ZEB1: variants seen among roughly 807,000 people sequenced by gnomAD.
The protein encoded by ZEB1 is zinc finger E-box-binding homeobox 1.
A neutral mutation model predicts 84.9 loss-of-function variants in ZEB1; 21 were observed. The ratio of observed to expected loss-of-function variants is 0.25; its 90% CI spans 0.18 to 0.36. ZEB1 has a LOEUF of 0.36. ZEB1 is among the 10% of genes least tolerant of loss of function. The pLI, the probability that ZEB1 is intolerant of heterozygous loss-of-function variation, is 1.00. For missense variants in ZEB1, 1,104 were observed against 1,330.2 expected (o/e 0.83, Z 2.65); for synonymous variants, 420 against 471.1 (o/e 0.89, Z 1.41).
chr10:31,418,858 A>G (rs944019099), intron 1 of ZEB1, among the ~76,000 whole-genome samples: 1 of 152,128 alleles, frequency 6.6e-6, no homozygotes, highest in Non-Finnish European at 1.5e-5. Context: ...TTGAGTGCCA[A>G]TATGATGCTC....
chr10:31,443,772 A>G (rs1330915886), intron 1 of ZEB1, among the ~76,000 whole-genome samples: 2 of 149,174 alleles, frequency 1.3e-5, no homozygotes, highest in African/African-American at 5.2e-5. Flanking sequence ...ATAGTATTCC[A>G]TGGTGTATAT....
intron 6 of ZEB1, among the ~76,000 whole-genome samples, chr10:31,519,301 T>G (rs2071806473): frequency 6.6e-6 from 1 of 152,182 alleles, no homozygotes; most frequent in Non-Finnish European, 1.5e-5. Context: ...TTTCAAAATT[T>G]TCTACCAAAG....
At chr10:31,415,278 A>G (rs569426396) in intron 1 of ZEB1, among the ~76,000 whole-genome samples, 1 of 152,234 alleles carries the variant, frequency 6.6e-6, no homozygotes, top group African/African-American at 2.4e-5. Context: ...TACTGTCTAC[A>G]TTAAGCAAGG....
chr10:31,411,447 A>C (rs973289326), intron 1 of ZEB1, among the ~76,000 whole-genome samples: 1 of 151,894 alleles, frequency 6.6e-6, no homozygotes, highest in African/African-American at 2.4e-5. Flanking sequence ...CTGGCTAACA[A>C]GGTGAAACCC....
chr10:31,458,337 TGTGTGTG>T (rs1309205068), intron 1 of ZEB1, among the ~76,000 whole-genome samples: 2 of 77,844 alleles, frequency 2.6e-5, no homozygotes, highest in Admixed American at 2.1e-4. Flanking sequence ...GTGTGTGTGT[TGTGTGTG>T]TGTGTGTGTG....
In ZEB1 at chr10:31,397,075, G is replaced by A. The variant is rs1053569386; in HGVS notation, c.59-63962G>A. Among the ~76,000 whole-genome samples, 76 of 148,290 alleles carry A rather than the reference G, an allele frequency of 5.1e-4. 1 individual carries two copies. The highest frequency in any genetic ancestry group is 1.0e-3 in the Non-Finnish European group (69 of 67,208). The stretch of plus-strand genomic sequence containing the variant: ...CTGTCACCCAGGCTGGAGTGCAGTG[G>A]CATGATCTCGGCTCACTGCAACCTC... On this transcript the variant is annotated intron_variant, in intron 1 of 8. Transcript: ENST00000424869.
At chr10:31,482,049 T>G (rs2065114491) in intron 2 of ZEB1, among the ~76,000 whole-genome samples, 1 of 152,050 alleles carries the variant, frequency 6.6e-6, no homozygotes, top group South Asian at 2.1e-4. Context: ...TCCCAGAAGA[T>G]AATTAATAAT....
At chr10:31,391,274 TGTGA>T (rs199701689) in intron 1 of ZEB1, among the ~76,000 whole-genome samples, 2,977 of 131,858 alleles carry the variant, frequency 0.023, 88 homozygotes, top group African/African-American at 0.091. Flanking sequence ...TGTGTGTGTG[TGTGA>T]GATCCAATAA....
At chr10:31,364,671 AG>A (rs1255234182) in intron 1 of ZEB1, among the ~76,000 whole-genome samples, 1 of 152,170 alleles carries the variant, frequency 6.6e-6, no homozygotes, top group African/African-American at 2.4e-5. Flanking sequence ...CCTCCCTGGC[AG>A]GCAGGGTCTC....
intron 2 of ZEB1, among the ~76,000 whole-genome samples, chr10:31,480,718 AT>A (rs1323926701): frequency 6.6e-6 from 1 of 152,092 alleles, no homozygotes; most frequent in East Asian, 1.9e-4. Flanking sequence ...CTTGGTGTAC[AT>A]TTTGTCCTCT....
chr10:31,334,824 A>C (rs2037650038), intron 1 of ZEB1, among the ~76,000 whole-genome samples: 2 of 152,098 alleles, frequency 1.3e-5, no homozygotes, highest in Admixed American at 6.6e-5. Flanking sequence ...AATGTAGCTC[A>C]TGCTGGCCCA....
At chr10:31,449,368 G>A (rs1033649210) in intron 1 of ZEB1, among the ~76,000 whole-genome samples, 4 of 152,184 alleles carry the variant, frequency 2.6e-5, no homozygotes, top group Admixed American at 6.5e-5. Flanking sequence ...GAAATCACCC[G>A]TCTTCTGCGT....
chr10:31,461,272 C>CCACAAT (rs754494281), intron 2 of ZEB1, 35 bp downstream of exon 2: 1 of 1,558,286 alleles, frequency 6.4e-7, no homozygotes, highest in Admixed American at 1.8e-5. Context: ...ATTGTATTCT[C>CCACAAT]ATGATTCGTT....
At chr10:31,453,631 C>T (rs1187516362) in intron 1 of ZEB1, among the ~76,000 whole-genome samples, 3 of 152,220 alleles carry the variant, frequency 2.0e-5, no homozygotes, top group South Asian at 4.1e-4. Flanking sequence ...GATTTATTGA[C>T]CTCGCAAATA....
Position 31,440,963 on chromosome 10 carries a change from T to C in ZEB1, c.59-20074T>C, listed in dbSNP as rs540398484. Among the ~76,000 whole-genome samples the C allele has an allele frequency of 5.3e-4, 80 of 152,036 alleles. 1 individual carries two copies. Among genetic ancestry groups the C allele is most frequent in the Admixed American group, 1.2e-3 (18 of 15,264 alleles). On this transcript the variant is annotated intron_variant, in intron 1 of 8. Coordinates refer to ENST00000424869, the MANE Select transcript of ZEB1 (RefSeq NM_001174096.2). ...TCATGGATAGGAAGAATCAATATCG[T>C]GAAAATGGCCATACTGCCCAAGGTA...
intron 1 of ZEB1, among the ~76,000 whole-genome samples, chr10:31,408,636 C>G (rs765176458): frequency 0.059 from 8,450 of 142,248 alleles, 295 homozygotes; most frequent in African/African-American, 0.12. Flanking sequence ...GAAAAACAAG[C>G]AATGGGGAAA....
At chr10:31,486,876 T>A (rs9416972) in intron 2 of ZEB1, among the ~76,000 whole-genome samples, 42,092 of 151,244 alleles carry the variant, frequency 0.28, 14,021 homozygotes, top group African/African-American at 0.8. Flanking sequence ...GATCATCAGG[T>A]TTTTCTCTTT....
At chr10:31,319,492 C>T in intron 1 of ZEB1, 200 bp downstream of exon 1, 3 of 611,298 alleles carry the variant, frequency 4.9e-6, no homozygotes, top group Admixed American at 5.8e-5. Flanking sequence ...CGCTCGCTCT[C>T]CCTGAACCGT....
chr10:31,383,481 A>G (rs1416131070), intron 1 of ZEB1, among the ~76,000 whole-genome samples: 1 of 152,206 alleles, frequency 6.6e-6, no homozygotes, highest in Non-Finnish European at 1.5e-5. Flanking sequence ...AAATGTACGT[A>G]TGGAAAGTGA....
Sources: gnomAD v4.1 joint callset for allele counts (sites outside exome capture counted in the v4.1 genomes callset) on GRCh38, gnomAD v4.1.1 for gene constraint, MANE v1.5 for transcripts, NCBI Gene and HGNC (gene_info 2026-07-23, HGNC 2026-07-21) for gene names.